Variants in GNAQ observed in about 807,000 individuals in gnomAD.
GNAQ encodes G protein subunit alpha q.
Under a neutral mutation model 43.9 loss-of-function variants are expected in GNAQ, and 8 were observed. That is an observed-to-expected ratio of 0.18 (90% CI 0.11 to 0.33). The LOEUF is 0.33. GNAQ is among the 10% of genes least tolerant of loss of function. The pLI, the probability that GNAQ is intolerant of heterozygous loss-of-function variation, is 1.00. For missense variants in GNAQ, 158 were observed against 450.8 expected, an observed-to-expected ratio of 0.35 and a Z score of 5.88; for synonymous variants, 155 against 170.7, an observed-to-expected ratio of 0.91 and a Z score of 0.71.
At chr9:77,916,301 G>A (rs1828903529) in intron 2 of GNAQ, among the ~76,000 whole-genome samples, 1 of 152,148 alleles carries the variant, frequency 6.6e-6, no homozygotes, top group Non-Finnish European at 1.5e-5. Context: ...CCTCTATTAT[G>A]TATTTATTAT....
intron 5 of GNAQ, among the ~76,000 whole-genome samples, chr9:77,789,322 A>C (rs1307472878): frequency 6.6e-6 from 1 of 152,218 alleles, no homozygotes; most frequent in East Asian, 1.9e-4. Context: ...AATAAATGGC[A>C]AGCTACAAAG....
rs58496646 is a variant in GNAQ, at chr9:77,889,410, C to CAAAAAAAA, written c.321+32743_321+32750dup. Reference sequence around the variant, plus strand: ...TGGGCGACAAAGCCAGACCCTGTCTCAAAAAAAAAAAAAAAAAAAAAAAAA... The same window carrying CAAAAAAAA: ...TGGGCGACAAAGCCAGACCCTGTCTCAAAAAAAAAAAAAAAAAAAAAAAAAAAAAAAAA... On this transcript the variant is annotated intron_variant, in intron 2 of 6. Coordinates refer to ENST00000286548, the MANE Select transcript of GNAQ (RefSeq NM_002072.5). Among the ~76,000 whole-genome samples, 46 of 48,064 alleles carry CAAAAAAAA rather than the reference C, an allele frequency of 9.6e-4. 4 individuals carry two copies. Among genetic ancestry groups the CAAAAAAAA allele is most frequent in the East Asian group, 7.8e-3 (7 of 900 alleles). The allele number at this position is 48,064 out of a possible 152,430, so 31.5% of individuals were successfully genotyped here.
intron 1 of GNAQ, among the ~76,000 whole-genome samples, chr9:78,014,287 C>T (rs1363953142): frequency 6.6e-6 from 1 of 152,042 alleles, no homozygotes; most frequent in African/African-American, 2.4e-5. Flanking sequence ...AGAACAAACT[C>T]AACTATTTTA....
intron 2 of GNAQ, among the ~76,000 whole-genome samples, chr9:77,826,177 TTC>T (rs1021812905): frequency 5.2e-4 from 79 of 152,142 alleles, no homozygotes; most frequent in Non-Finnish European, 2.2e-4. Flanking sequence ...GTGAAAAATA[TTC>T]TGTGTTCTAT....
rs1168883064 is a variant in GNAQ at position 77,741,485 on chromosome 9, T to C, written c.736-12818A>G. Among the ~76,000 whole-genome samples, 4 of 152,320 alleles carry C rather than the reference T, an allele frequency of 2.6e-5. No homozygotes were observed. In the East Asian group the frequency reaches 7.7e-4, roughly 29 times the overall value. ...TTTCTTCATAGTTCTTGGTTAGATA[T>C]TAGGTTTCTTACTTTCCTTTTTATT... On this transcript the variant is annotated intron_variant, in intron 5 of 6. Coordinates refer to ENST00000286548, the MANE Select transcript of GNAQ (RefSeq NM_002072.5).
chr9:77,912,173 A>C (rs563062816), intron 2 of GNAQ, among the ~76,000 whole-genome samples: 1 of 152,334 alleles, frequency 6.6e-6, no homozygotes, highest in South Asian at 2.1e-4. Flanking sequence ...CTCAGTCATT[A>C]ATAGAGCACA....
intron 2 of GNAQ, among the ~76,000 whole-genome samples, chr9:77,842,821 C>T (rs1355171121): frequency 1.3e-5 from 2 of 152,234 alleles, no homozygotes; most frequent in South Asian, 2.1e-4. Context: ...CCAATGGGTA[C>T]GTGTATCTTC....
At chr9:77,923,011 C>T in intron 1 of GNAQ, among the ~76,000 whole-genome samples, 1 of 145,342 alleles carries the variant, frequency 6.9e-6, no homozygotes, top group Non-Finnish European at 1.5e-5. Context: ...CGATGCCCAG[C>T]TAATTTTTTT....
At chr9:77,946,646 T>A (rs1405765243) in intron 1 of GNAQ, among the ~76,000 whole-genome samples, 1 of 152,178 alleles carries the variant, frequency 6.6e-6, no homozygotes, top group Non-Finnish European at 1.5e-5. Context: ...TAAAATAAAA[T>A]AAAATGAAAC....
intron 1 of GNAQ, among the ~76,000 whole-genome samples, chr9:77,962,606 A>G (rs1193605066): frequency 2.0e-5 from 3 of 152,070 alleles, no homozygotes; most frequent in Non-Finnish European, 4.4e-5. Context: ...AAGTGCATGG[A>G]AGGCCAGGCA....
chr9:77,810,204 AATCATCT>A (rs1241202277), intron 3 of GNAQ, among the ~76,000 whole-genome samples: 159 of 143,000 alleles, frequency 1.1e-3, no homozygotes, highest in African/African-American at 4.0e-3. Context: ...AAAAACTGTC[AATCATCT>A]ATCTATCTAT....
intron 6 of GNAQ, among the ~76,000 whole-genome samples, chr9:77,722,926 G>A (rs1825339461): frequency 6.6e-6 from 1 of 152,150 alleles, no homozygotes; most frequent in African/African-American, 2.4e-5. Flanking sequence ...TTATAAGCAT[G>A]AGCTACCACA....
chr9:77,943,693 T>C (rs1829347253), intron 1 of GNAQ, among the ~76,000 whole-genome samples: 2 of 148,600 alleles, frequency 1.3e-5, no homozygotes, highest in Admixed American at 6.8e-5. Flanking sequence ...AGACGACGTC[T>C]TGCTCTGTTG....
At chr9:77,790,880 G>T (rs1826558859) in intron 5 of GNAQ, among the ~76,000 whole-genome samples, 1 of 152,214 alleles carries the variant, frequency 6.6e-6, no homozygotes, top group Non-Finnish European at 1.5e-5. Context: ...GGTGAGGTCA[G>T]CTGGTAGATT....
chr9:77,722,061 C>G (rs1223836714), intron 6 of GNAQ, among the ~76,000 whole-genome samples: 1 of 151,974 alleles, frequency 6.6e-6, no homozygotes, highest in Non-Finnish European at 1.5e-5. Flanking sequence ...CCATAGATTT[C>G]TGGTATTTCT....
At chr9:77,988,558 T>A (rs993846935) in intron 1 of GNAQ, among the ~76,000 whole-genome samples, 8 of 152,216 alleles carry the variant, frequency 5.3e-5, no homozygotes, top group African/African-American at 1.9e-4. Flanking sequence ...CCAACTCTCA[T>A]CTTGCACCAC....
intron 2 of GNAQ, among the ~76,000 whole-genome samples, chr9:77,826,710 T>A (rs1001622877): frequency 6.6e-6 from 1 of 152,182 alleles, no homozygotes; most frequent in Non-Finnish European, 1.5e-5. Context: ...TCCTTATCCC[T>A]CCAATGAGGT....
At chr9:77,784,031 T>G (rs1826437906) in intron 5 of GNAQ, among the ~76,000 whole-genome samples, 1 of 152,230 alleles carries the variant, frequency 6.6e-6, no homozygotes, top group Non-Finnish European at 1.5e-5. Flanking sequence ...TACGTAAGTT[T>G]ACAATCACAG....
intron 5 of GNAQ, among the ~76,000 whole-genome samples, chr9:77,755,465 T>C (rs1178164038): frequency 6.6e-6 from 1 of 152,190 alleles, no homozygotes; most frequent in Admixed American, 6.5e-5. Context: ...AAATGTGTCA[T>C]GTACCCTATA....
Sources: gnomAD v4.1 joint callset for allele counts (sites outside exome capture counted in the v4.1 genomes callset) on GRCh38, gnomAD v4.1.1 for gene constraint, MANE v1.5 for transcripts, NCBI Gene and HGNC (gene_info 2026-07-23, HGNC 2026-07-21) for gene names.